RPF2: variants seen among roughly 807,000 people sequenced by gnomAD.
RPF2 encodes the protein brix domain containing 1.
A neutral mutation model predicts 38.9 loss-of-function variants in RPF2; 21 were observed. The observed-to-expected ratio is 0.54, with a 90% CI of 0.38 to 0.78. RPF2 has a LOEUF of 0.78. RPF2 is among the 30% of genes least tolerant of loss of function. The pLI, the probability that RPF2 is intolerant of heterozygous loss-of-function variation, is 0.00. For synonymous variants in RPF2, 121 were observed against 126.2 expected, an observed-to-expected ratio of 0.96 and a Z score of 0.28; for missense variants, 314 against 358.1, an observed-to-expected ratio of 0.88 and a Z score of 0.99.
chr6:110,993,791 A>G (rs1031568019), intron 4 of RPF2, among the ~76,000 whole-genome samples: 3 of 152,206 alleles, frequency 2.0e-5, no homozygotes, highest in Non-Finnish European at 4.4e-5. Flanking sequence ...CAAAATGGCT[A>G]TGGAAGGAGT....
rs1265197131 is a variant in RPF2, at chr6:110,997,208, G to C, written c.260G>C (p.Cys87Ser). ...SLEFFSKKSD[C>S]SLFMFGSHNK... ...GAATTCTTTTCAAAGAAGTCAGATT[G>C]TTCTTTATTCATGTTTGGCTCCCAT... Residue 87 changes from cysteine (C) to serine (S), a missense_variant, in exon 5 of 10, where the codon TGT becomes TCT. Physicochemically the swap from Cys to Ser is moderately radical, Grantham distance 112 (BLOSUM62 -1). Transcript: ENST00000441448. The C allele has an allele frequency of 2.5e-6, 4 of 1,598,548 alleles. No individual in the cohort carries two copies. The highest frequency in any genetic ancestry group is 3.4e-6 in the Non-Finnish European group (4 of 1,167,418).
At chr6:110,982,204 C>A in intron 1 of RPF2, 75 bp downstream of exon 1, 1 of 1,512,422 alleles carries the variant, frequency 6.6e-7, no homozygotes, top group Non-Finnish European at 9.2e-7. Context: ...ACTGTCTCGG[C>A]CTCTCACTCT....
At chr6:111,021,258 T>C (rs545110788) in intron 8 of RPF2, among the ~76,000 whole-genome samples, 116 of 152,328 alleles carry the variant, frequency 7.6e-4, no homozygotes, top group Non-Finnish European at 1.2e-3. Flanking sequence ...GAATCACCTT[T>C]ACACTAGCAC....
At chr6:111,006,483 C>G (rs536488934) in intron 6 of RPF2, among the ~76,000 whole-genome samples, 1 of 151,738 alleles carries the variant, frequency 6.6e-6, no homozygotes, top group Non-Finnish European at 1.5e-5. Context: ...TGATCAGCCC[C>G]GTCTCTGCCT....
In RPF2 at chr6:110,993,345, C is replaced by A. The variant is rs769377052; in HGVS notation, c.234+1559C>A. Among the ~76,000 whole-genome samples the A allele has an allele frequency of 5.3e-5, 8 of 151,778 alleles. 1 individual carries two copies. The highest frequency in any genetic ancestry group is 1.0e-4 in the Non-Finnish European group (7 of 67,966). ...GTGAATTTAAAAGAAAGAAATTAATCTCAATGATAAATTAGATTAAAATCA... is the reference window on the plus strand; with the variant it reads ...GTGAATTTAAAAGAAAGAAATTAATATCAATGATAAATTAGATTAAAATCA... On this transcript the variant is annotated intron_variant, in intron 4 of 9. Transcript: ENST00000441448.
In RPF2 at chr6:111,017,283, C is replaced by T. The variant is rs755433326; in HGVS notation, c.596+1427C>T. ...CCGGGCAGAGGTGCCCCCAACCTCC[C>T]GGACGGGGCGGCGGCTGGGCGGAGG... On this transcript the variant is annotated intron_variant, in intron 8 of 9. Transcript: ENST00000441448. Among the ~76,000 whole-genome samples the T allele has an allele frequency of 5.3e-4, 80 of 151,324 alleles. 1 individual carries two copies. Among genetic ancestry groups the T allele is most frequent in the Non-Finnish European group, 2.4e-4 (16 of 67,744 alleles).
intron 6 of RPF2, among the ~76,000 whole-genome samples, chr6:111,003,690 G>T (rs905859329): frequency 6.6e-6 from 1 of 152,092 alleles, no homozygotes; most frequent in African/African-American, 2.4e-5. Flanking sequence ...CTTGCTTGGT[G>T]GCATGTGCCT....
Position 111,025,817 on chromosome 6 carries a change from A to G in RPF2, c.*235A>G, listed in dbSNP as rs1160204994. ...TTGTGATATCCCCTGCCCTCCACAA[A>G]TTCTTCTTTCTCATTGGGTGGATGG... On this transcript the variant is annotated 3_prime_UTR_variant, in exon 10 of 10. Transcript: ENST00000441448. 1 of 281,902 alleles carries G rather than the reference A, an allele frequency of 3.5e-6. No individual in the cohort carries two copies. The highest frequency in any genetic ancestry group is 6.1e-5 in the East Asian group (1 of 16,464). 17.5% of individuals were successfully genotyped at this position (281,902 alleles called of 1,614,324 possible). A position where few individuals can be genotyped will look rare whatever the true frequency, so the allele number is the denominator to read the frequency against.
intron 9 of RPF2, among the ~76,000 whole-genome samples, 195 bp downstream of exon 9, chr6:111,024,522 G>A (rs1435933668): frequency 1.3e-5 from 2 of 152,022 alleles, no homozygotes; most frequent in South Asian, 2.1e-4. Flanking sequence ...GACCATCCTG[G>A]CTAATACAGT....
intron 7 of RPF2, among the ~76,000 whole-genome samples, chr6:111,014,197 C>T (rs1453100518): frequency 2.7e-5 from 4 of 150,354 alleles, no homozygotes; most frequent in Admixed American, 6.6e-5. Flanking sequence ...AGTACAGTGG[C>T]GCAATCTCGG....
At chr6:110,994,166 C>T (rs1398448749) in intron 4 of RPF2, among the ~76,000 whole-genome samples, 2 of 151,942 alleles carry the variant, frequency 1.3e-5, no homozygotes, top group African/African-American at 4.8e-5. Context: ...ATTCCAGCTA[C>T]TCGGGAGGTG....
chr6:111,023,332 A>G (rs1323504666), intron 8 of RPF2, among the ~76,000 whole-genome samples: 1 of 152,236 alleles, frequency 6.6e-6, no homozygotes, highest in African/African-American at 2.4e-5. Flanking sequence ...GTTCACTTCA[A>G]TGTAAGGAAG....
chr6:110,984,906 G>T, intron 1 of RPF2, 100 bp from the exon 2 acceptor site: 1 of 1,274,388 alleles, frequency 7.8e-7, no homozygotes, highest in Non-Finnish European at 1.1e-6. Context: ...GGAACCCTAA[G>T]TGACAAATAT....
At chr6:110,985,735 C>T (rs764250631) in intron 2 of RPF2, among the ~76,000 whole-genome samples, 37 of 151,954 alleles carry the variant, frequency 2.4e-4, no homozygotes, top group Non-Finnish European at 3.1e-4. Flanking sequence ...GTCAGAAGTT[C>T]GAGACCAGCC....
At chr6:111,001,849 G>T (rs899886762) in intron 6 of RPF2, among the ~76,000 whole-genome samples, 2 of 152,196 alleles carry the variant, frequency 1.3e-5, no homozygotes, top group Non-Finnish European at 2.9e-5. Flanking sequence ...TCATTGTGCA[G>T]CTTCTAAACT....
intron 5 of RPF2, among the ~76,000 whole-genome samples, chr6:110,998,527 T>C (rs1002411545): frequency 6.6e-6 from 1 of 152,158 alleles, no homozygotes; most frequent in African/African-American, 2.4e-5. Flanking sequence ...AAATTTTTTA[T>C]TCAATGTCAC....
chr6:110,997,775 T>G (rs6910857), intron 5 of RPF2, among the ~76,000 whole-genome samples: 13,767 of 152,104 alleles, frequency 0.091, 692 homozygotes, highest in Middle Eastern at 0.13. Flanking sequence ...AAGTACGCTT[T>G]GAGCGCCAAG....
At chr6:110,992,448 T>TTTTG (rs1771636705) in intron 4 of RPF2, among the ~76,000 whole-genome samples, 1 of 151,210 alleles carries the variant, frequency 6.6e-6, no homozygotes, top group African/African-American at 2.4e-5. Flanking sequence ...GTTTTTACTT[T>TTTTG]TTTTTTTTTT....
chr6:111,027,783 G>A lies in RPF2; in HGVS notation c.*2201G>A, dbSNP rs1263164496. On this transcript the variant is annotated 3_prime_UTR_variant, in exon 10 of 10. Coordinates refer to ENST00000441448, the MANE Select transcript of RPF2 (RefSeq NM_032194.3). ...ATAAGTATTGGAATGCTTCCTATTT[G>A]CTGATAGAAGTACCAAATAGTATTA... is the stretch of plus-strand genomic sequence containing the variant. The A allele has an allele frequency of 6.6e-6, 1 of 152,158 alleles. No homozygotes were observed. The highest frequency in any genetic ancestry group is 1.5e-5 in the Non-Finnish European group (1 of 68,036). 9.4% of individuals were successfully genotyped at this position (152,158 alleles called of 1,614,324 possible).
Sources: allele counts gnomAD v4.1 joint callset (sites outside exome capture counted in the v4.1 genomes callset), GRCh38; gene constraint gnomAD v4.1.1; transcripts MANE v1.5; gene names NCBI Gene and HGNC (gene_info 2026-07-23, HGNC 2026-07-21).